Variants in SREK1IP1 observed in about 807,000 individuals in gnomAD.
The protein encoded by SREK1IP1 is protein SREK1IP1.
In SREK1IP1, 12 loss-of-function variants were observed where a neutral mutation model predicts 22.8. The ratio of observed to expected loss-of-function variants is 0.53; its 90% CI spans 0.34 to 0.85. The LOEUF is 0.85. Ranked by LOEUF, SREK1IP1 falls within the 40% of genes least tolerant of loss-of-function variation. The pLI is 0.02. For synonymous variants in SREK1IP1, 53 were observed against 52.7 expected, an observed-to-expected ratio of 1.01 and a Z score of -0.02; for missense variants, 147 against 171.8, an observed-to-expected ratio of 0.86 and a Z score of 0.81.
rs1163589775 is a variant in SREK1IP1, at chr5:64,749,058, A to ACAT, written c.61+5254_61+5256dup. 3.5e-3 allele frequency among the ~76,000 whole-genome samples: 385 copies of ACAT among 111,492 alleles called. 3 individuals carry two copies. Among genetic ancestry groups the ACAT allele is most frequent in the African/African-American group, 0.013 (369 of 28,636 alleles). The allele number at this position is 111,492 out of a possible 152,430, so 73.1% of individuals were successfully genotyped here. ...TCCTCCTTCCAGGAGTAGCTATGCCACATAATAATAATAATAATAATAATA... is the reference window on the plus strand; with the variant it reads ...TCCTCCTTCCAGGAGTAGCTATGCCACATCATAATAATAATAATAATAATAATA... On this transcript the variant is annotated intron_variant, in intron 2 of 4. Transcript: ENST00000513458.
chr5:64,731,663 T>A (rs1311081698), intron 3 of SREK1IP1, among the ~76,000 whole-genome samples: 1 of 151,544 alleles, frequency 6.6e-6, no homozygotes. Flanking sequence ...GCTAAGACAA[T>A]ATGTTGATGA....
At chr5:64,752,140 TTGTG>T (rs1482506909) in intron 2 of SREK1IP1, among the ~76,000 whole-genome samples, 4 of 122,696 alleles carry the variant, frequency 3.3e-5, no homozygotes, top group South Asian at 2.6e-4. Flanking sequence ...TGAATTTTTT[TTGTG>T]TGTTTTTTTT....
At chr5:64,758,605 G>A (rs1182920976) in intron 1 of SREK1IP1, among the ~76,000 whole-genome samples, 2 of 152,180 alleles carry the variant, frequency 1.3e-5, no homozygotes, top group Non-Finnish European at 2.9e-5. Context: ...CATAGAAACT[G>A]TAGATGCTAA....
At chr5:64,743,526 T>C (rs1366516715) in intron 2 of SREK1IP1, among the ~76,000 whole-genome samples, 1 of 152,112 alleles carries the variant, frequency 6.6e-6, no homozygotes, top group African/African-American at 2.4e-5. Flanking sequence ...CTCTTCTCCA[T>C]CTTAATTTTT....
At chr5:64,758,341 G>A (rs905557448) in intron 1 of SREK1IP1, among the ~76,000 whole-genome samples, 2 of 151,954 alleles carry the variant, frequency 1.3e-5, no homozygotes, top group Non-Finnish European at 2.9e-5. Flanking sequence ...GCTAATTTTT[G>A]TATTTTTAGT....
chr5:64,768,143 CAA>C (rs1027647391), intron 1 of SREK1IP1, among the ~76,000 whole-genome samples: 12 of 152,040 alleles, frequency 7.9e-5, no homozygotes, highest in African/African-American at 2.9e-4. Context: ...CTGGGTCGGC[CAA>C]GTGTTCCCAC....
chr5:64,760,830 G>T (rs2112115331), intron 1 of SREK1IP1, among the ~76,000 whole-genome samples: 1 of 152,258 alleles, frequency 6.6e-6, no homozygotes, highest in East Asian at 1.9e-4. Context: ...CCTCTGTAAG[G>T]ATATAGATTG....
At chr5:64,764,877 T>G (rs75081906) in intron 1 of SREK1IP1, among the ~76,000 whole-genome samples, 1 of 152,230 alleles carries the variant, frequency 6.6e-6, no homozygotes, top group African/African-American at 2.4e-5. Flanking sequence ...TTGAGAATTC[T>G]TCTATTACTA....
chr5:64,744,490 G>C (rs1742599635), intron 2 of SREK1IP1, among the ~76,000 whole-genome samples: 1 of 152,078 alleles, frequency 6.6e-6, no homozygotes, highest in South Asian at 2.1e-4. Context: ...TGCAGACCTG[G>C]ACGGATTCGC....
intron 2 of SREK1IP1, among the ~76,000 whole-genome samples, chr5:64,748,928 T>C (rs1432076103): frequency 6.6e-6 from 1 of 152,016 alleles, no homozygotes; most frequent in Non-Finnish European, 1.5e-5. Context: ...AATAATATCT[T>C]TCATGCAGTT....
chr5:64,733,845 A>C (rs1461987234), intron 3 of SREK1IP1, among the ~76,000 whole-genome samples: 1 of 152,126 alleles, frequency 6.6e-6, no homozygotes, highest in African/African-American at 2.4e-5. Context: ...GAGAATTATA[A>C]TTAGTGAAAA....
At position 64,722,184 on chromosome 5, in the gene SREK1IP1, A is replaced by T. The variant is rs1395843943; in HGVS notation, c.*2200T>A. 6.6e-6 allele frequency: 1 copy of T among 152,232 alleles called. No individual in the cohort carries two copies. Among genetic ancestry groups the T allele is most frequent in the Non-Finnish European group, 1.5e-5 (1 of 68,032 alleles). The allele number at this position is 152,232 out of a possible 1,614,324, so 9.4% of individuals were successfully genotyped here. The stretch of plus-strand genomic sequence containing the variant: ...ACTATGCTAAAATTATGGGAAATTT[A>T]CTTAGAAATGCCAACATCATTTCTG... On this transcript the variant is annotated 3_prime_UTR_variant, in exon 5 of 5. Transcript: ENST00000513458.
intron 2 of SREK1IP1, among the ~76,000 whole-genome samples, chr5:64,748,490 ATATTTT>A (rs1274231387): frequency 4.6e-5 from 7 of 152,214 alleles, no homozygotes; most frequent in Non-Finnish European, 7.3e-5. Context: ...TGTGTTATAT[ATATTTT>A]AACACAATTT....
In SREK1IP1 at chr5:64,724,453, C is replaced by T. The variant is rs753139898; in HGVS notation, c.399G>A (p.Lys133=). The stretch of plus-strand genomic sequence containing the variant: ...TTTCCTTTTTTCTCTTCTTTTTTTC[C>T]TTTTTGTGATGTTTCCCTTTTTTTG... ...SKSKKGKHHK[K]EKKKRKKEKH... is the part of the protein sequence containing the mutation. The change falls in exon 5 of 5, where the codon AAG becomes AAA. Residue 133 remains lysine, a synonymous_variant. Coordinates refer to ENST00000513458, the MANE Select transcript of SREK1IP1 (RefSeq NM_173829.4). 9.5e-6 allele frequency: 15 copies of T among 1,585,288 alleles called. No individual in the cohort carries two copies. Among genetic ancestry groups the T allele is most frequent in the East Asian group, 2.2e-5 (1 of 44,466 alleles).
intron 1 of SREK1IP1, among the ~76,000 whole-genome samples, chr5:64,766,304 GTGTTGTCA>G (rs1366705948): frequency 6.6e-6 from 1 of 152,292 alleles, no homozygotes; most frequent in East Asian, 1.9e-4. Context: ...CCCTTGTGAG[GTGTTGTCA>G]TGTCAGTAAA....
At chr5:64,763,108 A>T (rs1375228369) in intron 1 of SREK1IP1, among the ~76,000 whole-genome samples, 3 of 151,948 alleles carry the variant, frequency 2.0e-5, no homozygotes, top group Admixed American at 1.3e-4. Flanking sequence ...TAATCATTTG[A>T]CTCCAAAAGG....
At chr5:64,737,979 G>A (rs1311390806) in intron 3 of SREK1IP1, among the ~76,000 whole-genome samples, 1 of 152,136 alleles carries the variant, frequency 6.6e-6, no homozygotes, top group East Asian at 1.9e-4. Flanking sequence ...CTTTGCTGGT[G>A]AAGTCAACCA....
chr5:64,731,856 C>A (rs1375386743), intron 3 of SREK1IP1, among the ~76,000 whole-genome samples: 1 of 152,138 alleles, frequency 6.6e-6, no homozygotes, highest in Non-Finnish European at 1.5e-5. Context: ...TCTCAGTTCT[C>A]TCTCTTCCTT....
At chr5:64,737,556 C>A (rs1266926357) in intron 3 of SREK1IP1, among the ~76,000 whole-genome samples, 1 of 110,670 alleles carries the variant, frequency 9.0e-6, no homozygotes, top group East Asian at 2.8e-4. Context: ...CACAACCAAA[C>A]ATTATACCTT....
Sources: allele counts gnomAD v4.1 joint callset (sites outside exome capture counted in the v4.1 genomes callset), GRCh38; gene constraint gnomAD v4.1.1; transcripts MANE v1.5; gene names NCBI Gene and HGNC (gene_info 2026-07-23, HGNC 2026-07-21).